EFCAB5: variants seen among roughly 807,000 people sequenced by gnomAD.
The protein encoded by EFCAB5 is EF-hand calcium-binding domain-containing protein 5.
A neutral mutation model predicts 167.9 loss-of-function variants in EFCAB5; 131 were observed. That is an observed-to-expected ratio of 0.78 (90% CI 0.68 to 0.90). The LOEUF is 0.90. Among genes scored for constraint, EFCAB5 ranks in the 40% least tolerant of loss-of-function variants. The pLI is 0.00. For missense variants in EFCAB5, 1,663 were observed against 1,745.2 expected (o/e 0.95, Z 0.84); for synonymous variants, 574 against 602.8 (o/e 0.95, Z 0.70).
chr17:30,090,003 T>C (rs954005232), intron 19 of EFCAB5, among the ~76,000 whole-genome samples: 11 of 152,220 alleles, frequency 7.2e-5, no homozygotes, highest in African/African-American at 2.7e-4. Context: ...GTAAATCACT[T>C]GCATAAGCAT....
At chr17:30,044,055 C>T (rs1452498705) in intron 8 of EFCAB5, among the ~76,000 whole-genome samples, 3 of 151,906 alleles carry the variant, frequency 2.0e-5, no homozygotes, top group South Asian at 2.1e-4. Flanking sequence ...GACTTGCATT[C>T]GGACCATATA....
chr17:29,978,438 C>T lies in EFCAB5; in HGVS notation c.767+9071C>T, dbSNP rs144947388. On this transcript the variant is annotated intron_variant, in intron 4 of 22. Transcript: ENST00000394835. ...GTACACTGACTAGTTTCATGTCCAT[C>T]TCTAAACCTTACTCTGTTGAGTATG... 2.0e-4 allele frequency among the ~76,000 whole-genome samples: 31 copies of T among 152,306 alleles called. 1 individual carries two copies. In the East Asian group the frequency reaches 6.0e-3, roughly 29 times the overall value.
At chr17:29,944,675 G>A (rs2067363216) in intron 3 of EFCAB5, among the ~76,000 whole-genome samples, 1 of 149,484 alleles carries the variant, frequency 6.7e-6, no homozygotes, top group Admixed American at 6.7e-5. Flanking sequence ...CCAGGGCAGA[G>A]TGCAATGGTG....
Position 30,092,824 on chromosome 17 carries a change from T to C in EFCAB5, c.4225-16T>C, listed in dbSNP as rs1015943092. 6.3e-7 allele frequency: 1 copy of C among 1,586,566 alleles called. No individual in the cohort carries two copies. Among genetic ancestry groups the C allele is most frequent in the Non-Finnish European group, 8.6e-7 (1 of 1,161,728 alleles). ...CCTGGTGATCCCATAAATTTTCTCT[T>C]GTTGTTTGTTCACAGTATGTTAACA... On this transcript the variant is annotated splice_polypyrimidine_tract_variant and intron_variant, in intron 21 of 22. Coordinates refer to ENST00000394835, the MANE Select transcript of EFCAB5 (RefSeq NM_198529.4).
At chr17:30,083,175 C>T (rs749746394) in intron 18 of EFCAB5, 132 bp downstream of exon 18, 271 of 1,263,604 alleles carry the variant, frequency 2.1e-4, no homozygotes, top group Non-Finnish European at 2.5e-4. Flanking sequence ...ATACAAGACC[C>T]TTGGTTGTGA....
intron 14 of EFCAB5, among the ~76,000 whole-genome samples, chr17:30,070,014 A>C (rs866668638): frequency 3.3e-5 from 5 of 152,296 alleles, no homozygotes; most frequent in African/African-American, 1.2e-4. Context: ...CAGAGCCCCC[A>C]GTTGTCTCAG....
In EFCAB5 at chr17:29,998,361, G is replaced by GT. The variant is rs139306409; in HGVS notation, c.974-1542dup. Among the ~76,000 whole-genome samples, 962 of 152,248 alleles carry GT rather than the reference G, an allele frequency of 6.3e-3. 5 individuals are homozygous for GT. Among genetic ancestry groups the GT allele is most frequent in the African/African-American group, 0.022 (923 of 41,546 alleles). On this transcript the variant is annotated intron_variant, in intron 6 of 22. Coordinates refer to ENST00000394835, the MANE Select transcript of EFCAB5 (RefSeq NM_198529.4). ...CAGAGCATTCCAACTGACAGTGATTGTTTCTCCTCTCACCTCCTATACTAC... is the reference window on the plus strand; with the variant it reads ...CAGAGCATTCCAACTGACAGTGATTGTTTTCTCCTCTCACCTCCTATACTAC...
At chr17:30,073,868 C>T in intron 14 of EFCAB5, 2 of 381,404 alleles carry the variant, frequency 5.2e-6, no homozygotes, top group Non-Finnish European at 9.7e-6. Flanking sequence ...CAAGATCAGC[C>T]TGGGTAACAT....
intron 6 of EFCAB5, among the ~76,000 whole-genome samples, chr17:29,997,950 A>G (rs568214052): frequency 1.3e-5 from 2 of 151,734 alleles, no homozygotes; most frequent in East Asian, 1.9e-4. Context: ...AAAAAAAAAA[A>G]CCTCACTTGT....
upstream of EFCAB5, among the ~76,000 whole-genome samples, chr17:29,940,769 G>A (rs2067287142): frequency 6.6e-6 from 1 of 152,280 alleles, no homozygotes; most frequent in South Asian, 2.1e-4. Context: ...GCCGGGTGCG[G>A]TGCCTCACAC....
intron 18 of EFCAB5, among the ~76,000 whole-genome samples, chr17:30,084,565 GACC>G (rs1212300436): frequency 6.6e-6 from 1 of 152,098 alleles, no homozygotes; most frequent in East Asian, 1.9e-4. Flanking sequence ...GGGAGAGAAG[GACC>G]ACCCAGCAGT....
chr17:30,064,644 A>G (rs1478930007), intron 14 of EFCAB5, among the ~76,000 whole-genome samples: 2 of 152,226 alleles, frequency 1.3e-5, no homozygotes, highest in African/African-American at 4.8e-5. Context: ...GGGGAGATAT[A>G]TGGACGTCCA....
intron 7 of EFCAB5, among the ~76,000 whole-genome samples, chr17:30,000,190 G>A (rs140480710): frequency 4.6e-5 from 7 of 152,002 alleles, no homozygotes; most frequent in African/African-American, 1.4e-4. Flanking sequence ...TATAAAAATC[G>A]TCCACTGACA....
intron 3 of EFCAB5, among the ~76,000 whole-genome samples, chr17:29,947,387 C>T (rs947428679): frequency 6.6e-5 from 10 of 151,638 alleles, no homozygotes; most frequent in Non-Finnish European, 1.0e-4. Context: ...ACATGCCGAG[C>T]GATATAATGG....
Position 30,091,851 on chromosome 17 carries a change from C to T in EFCAB5, c.3938-20C>T. ...ACATTAGACTGAACAGCAATGTGAG[C>T]TATCATTTTGTTATTCCAGAGATTG... On this transcript the variant is annotated intron_variant, in intron 20 of 22. Transcript: ENST00000394835. 1 of 1,610,586 alleles carries T rather than the reference C, an allele frequency of 6.2e-7. No homozygotes were observed. The highest frequency in any genetic ancestry group is 2.2e-5 in the East Asian group (1 of 44,834).
At position 29,941,764 on chromosome 17, in the gene EFCAB5, C is replaced by T; in HGVS notation, c.-33C>T. On this transcript the variant is annotated 5_prime_UTR_variant, in exon 1 of 23. Transcript: ENST00000394835. ...TTAATACTGGTCTAGTAATATTCTTCTATACCATTTGGTGATAACTTTTGG... is the reference window on the plus strand; with the variant it reads ...TTAATACTGGTCTAGTAATATTCTTTTATACCATTTGGTGATAACTTTTGG... The T allele has an allele frequency of 6.4e-7, 1 of 1,567,776 alleles. No individual in the cohort carries two copies. Among genetic ancestry groups the T allele is most frequent in the South Asian group, 1.2e-5 (1 of 86,650 alleles).
At position 30,048,575 on chromosome 17, in the gene EFCAB5, A is replaced by G. The variant is rs183508660; in HGVS notation, c.1201-2543A>G. Among the ~76,000 whole-genome samples the G allele has an allele frequency of 9.5e-4, 144 of 152,012 alleles. 2 individuals are homozygous for G. In the Middle Eastern group the frequency reaches 0.01, roughly 11 times the overall value. The stretch of plus-strand genomic sequence containing the variant: ...AGTGTCATGATCTCAGCTCACTGCA[A>G]CATCCACCTCCTGGGTTCGAGCGAT... On this transcript the variant is annotated intron_variant, in intron 8 of 22. Coordinates refer to ENST00000394835, the MANE Select transcript of EFCAB5 (RefSeq NM_198529.4).
chr17:30,008,073 C>T (rs1273509910), intron 7 of EFCAB5, among the ~76,000 whole-genome samples: 1 of 142,534 alleles, frequency 7.0e-6, no homozygotes, highest in Non-Finnish European at 1.5e-5. Flanking sequence ...CAATAGCAAT[C>T]TAATGATTGA....
At chr17:29,957,772 T>C (rs1468545986) in intron 3 of EFCAB5, among the ~76,000 whole-genome samples, 3 of 152,348 alleles carry the variant, frequency 2.0e-5, no homozygotes, top group East Asian at 3.9e-4. Context: ...CTATTGAGAA[T>C]AGAGCTGTAA....
Sources: gnomAD v4.1 joint callset for allele counts (sites outside exome capture counted in the v4.1 genomes callset) on GRCh38, gnomAD v4.1.1 for gene constraint, MANE v1.5 for transcripts, NCBI Gene and HGNC (gene_info 2026-07-23, HGNC 2026-07-21) for gene names.